Variants in LRRC4C observed in about 807,000 individuals in gnomAD.
The protein encoded by LRRC4C is leucine-rich repeat-containing protein 4C.
LRRC4C carries 5 observed loss-of-function variants against 33.6 expected under a neutral mutation model. That is an observed-to-expected ratio of 0.15 (90% CI 0.08 to 0.31). LRRC4C has a LOEUF of 0.31. Ranked by LOEUF, LRRC4C falls within the 10% of genes least tolerant of loss-of-function variation. The pLI, the probability that LRRC4C is intolerant of heterozygous loss-of-function variation, is 1.00. For missense variants in LRRC4C, 560 were observed against 796.7 expected, an observed-to-expected ratio of 0.70 and a Z score of 3.58; for synonymous variants, 329 against 302.0, an observed-to-expected ratio of 1.09 and a Z score of -0.93.
rs577132701 is a variant in LRRC4C at position 40,885,863 on chromosome 11, C to T, written c.-407+47772G>A. 1.0e-3 allele frequency among the ~76,000 whole-genome samples: 156 copies of T among 152,204 alleles called. 1 individual carries two copies. The highest frequency in any genetic ancestry group is 9.7e-4 in the Non-Finnish European group (66 of 67,976). ...AAAGGCATTATTGATTTTCCATCAA[C>T]CTGAAATTCCCTAAGGGCCTCAATG... On this transcript the variant is annotated intron_variant, in intron 2 of 6. Coordinates refer to ENST00000528697, the MANE Select transcript of LRRC4C (RefSeq NM_001258419.2).
chr11:40,561,408 C>CTTTTT (rs549919738), intron 3 of LRRC4C, among the ~76,000 whole-genome samples: 17 of 100,932 alleles, frequency 1.7e-4, no homozygotes, highest in African/African-American at 2.8e-4. Context: ...CTGAGGATTC[C>CTTTTT]TTTTTTTTTT....
At chr11:40,379,847 T>A (rs966531437) in intron 3 of LRRC4C, among the ~76,000 whole-genome samples, 1 of 152,192 alleles carries the variant, frequency 6.6e-6, no homozygotes, top group Admixed American at 6.5e-5. Flanking sequence ...CAACATCACC[T>A]GGGAATTTGT....
chr11:41,007,540 A>T (rs1178835877), intron 1 of LRRC4C, among the ~76,000 whole-genome samples: 1 of 152,110 alleles, frequency 6.6e-6, no homozygotes, highest in Non-Finnish European at 1.5e-5. Flanking sequence ...TCTCCTATAG[A>T]TGAACACCCA....
chr11:41,031,463 C>T (rs1856723940), intron 1 of LRRC4C, among the ~76,000 whole-genome samples: 1 of 151,868 alleles, frequency 6.6e-6, no homozygotes, highest in Non-Finnish European at 1.5e-5. Flanking sequence ...GTAAAACAGA[C>T]ATTTTAGAGA....
chr11:40,402,123 G>C (rs1297449982), intron 3 of LRRC4C, among the ~76,000 whole-genome samples: 1 of 152,082 alleles, frequency 6.6e-6, no homozygotes, highest in African/African-American at 2.4e-5. Context: ...ACACTGAAAA[G>C]GAAAAGGGTT....
At chr11:40,165,522 C>T (rs146977381) in intron 5 of LRRC4C, among the ~76,000 whole-genome samples, 12 of 152,180 alleles carry the variant, frequency 7.9e-5, no homozygotes, top group Non-Finnish European at 1.5e-4. Flanking sequence ...AGAAAAACAA[C>T]GACAAAAAAT....
chr11:41,402,750 G>A (rs933437866), intron 1 of LRRC4C, among the ~76,000 whole-genome samples: 1 of 151,808 alleles, frequency 6.6e-6, no homozygotes, highest in Non-Finnish European at 1.5e-5. Context: ...AAGAAACAGG[G>A]CTCAAGAGAA....
chr11:40,859,166 T>C (rs1377477127), intron 2 of LRRC4C, among the ~76,000 whole-genome samples: 1 of 152,128 alleles, frequency 6.6e-6, no homozygotes, highest in East Asian at 1.9e-4. Context: ...ATCAGTAATA[T>C]AGAGGGTTAA....
intron 1 of LRRC4C, among the ~76,000 whole-genome samples, chr11:40,971,031 A>T (rs1323641517): frequency 6.6e-6 from 1 of 152,174 alleles, no homozygotes; most frequent in Non-Finnish European, 1.5e-5. Flanking sequence ...CTTGTATTTA[A>T]AGGGGAAGTA....
intron 4 of LRRC4C, among the ~76,000 whole-genome samples, chr11:40,242,157 T>C (rs1865968750): frequency 6.6e-6 from 1 of 152,322 alleles, no homozygotes; most frequent in African/African-American, 2.4e-5. Context: ...ATCAGCCGTC[T>C]GGACTTCTCT....
At chr11:41,092,196 G>T (rs754638989) in intron 1 of LRRC4C, among the ~76,000 whole-genome samples, 58 of 151,964 alleles carry the variant, frequency 3.8e-4, no homozygotes, top group East Asian at 3.9e-4. Flanking sequence ...TATGATAAAG[G>T]TTATTTTATT....
chr11:40,412,870 T>C (rs1363091119), intron 3 of LRRC4C, among the ~76,000 whole-genome samples: 1 of 152,062 alleles, frequency 6.6e-6, no homozygotes, highest in African/African-American at 2.4e-5. Context: ...CTAGACTATA[T>C]AAAATAAGAA....
At chr11:40,244,460 C>T (rs1435289209) in intron 4 of LRRC4C, among the ~76,000 whole-genome samples, 1 of 152,206 alleles carries the variant, frequency 6.6e-6, no homozygotes, top group Non-Finnish European at 1.5e-5. Flanking sequence ...AAGGGCAAGT[C>T]TGTCAATACA....
intron 5 of LRRC4C, among the ~76,000 whole-genome samples, chr11:40,218,858 A>C (rs1033605265): frequency 6.6e-6 from 1 of 151,862 alleles, no homozygotes; most frequent in African/African-American, 2.4e-5. Flanking sequence ...ACTCTGTTGC[A>C]TCCACACTGG....
At chr11:41,170,406 G>C (rs1007763417) in intron 1 of LRRC4C, among the ~76,000 whole-genome samples, 5 of 152,062 alleles carry the variant, frequency 3.3e-5, no homozygotes, top group Non-Finnish European at 7.4e-5. Flanking sequence ...CCAAAACAGA[G>C]ATATAGACCA....
intron 2 of LRRC4C, among the ~76,000 whole-genome samples, chr11:40,772,249 G>A: frequency 6.6e-6 from 1 of 152,126 alleles, no homozygotes; most frequent in East Asian, 1.9e-4. Context: ...CAGAGCAAAT[G>A]GGGAATAAGC....
At chr11:40,309,729 A>C (rs1945209284) in intron 4 of LRRC4C, among the ~76,000 whole-genome samples, 1 of 151,854 alleles carries the variant, frequency 6.6e-6, no homozygotes, top group South Asian at 2.1e-4. Context: ...CTGGTCTCAA[A>C]CTCCTGAGCT....
At chr11:40,310,560 C>T (rs575085589) in intron 4 of LRRC4C, among the ~76,000 whole-genome samples, 88 of 152,296 alleles carry the variant, frequency 5.8e-4, no homozygotes, top group Admixed American at 3.2e-3. Flanking sequence ...ATCCTCCAAT[C>T]ATCTTTATTA....
chr11:40,613,332 A>G (rs7102720), intron 3 of LRRC4C, among the ~76,000 whole-genome samples: 39,801 of 151,766 alleles, frequency 0.26, 6,464 homozygotes, highest in Middle Eastern at 0.39. Context: ...TGTCATTTCG[A>G]CAATGTTCAC....
Sources: allele counts gnomAD v4.1 joint callset (sites outside exome capture counted in the v4.1 genomes callset), GRCh38; gene constraint gnomAD v4.1.1; transcripts MANE v1.5; gene names NCBI Gene and HGNC (gene_info 2026-07-23, HGNC 2026-07-21).